NEDD4L: variants seen among roughly 807,000 people sequenced by gnomAD.
NEDD4L encodes the protein NEDD4 like E3 ubiquitin protein ligase.
A neutral mutation model predicts 148.9 loss-of-function variants in NEDD4L; 54 were observed. That is an observed-to-expected ratio of 0.36 (90% confidence interval 0.29 to 0.45). NEDD4L has a LOEUF of 0.45. NEDD4L is among the 20% of genes least tolerant of loss of function. NEDD4L has a pLI of 1.00. For missense variants in NEDD4L, 856 were observed against 1,233.8 expected (o/e 0.69, Z 4.59); for synonymous variants, 433 against 440.7 (o/e 0.98, Z 0.22).
chr18:58,166,465 C>T (rs2036857804), intron 2 of NEDD4L, among the ~76,000 whole-genome samples: 1 of 152,272 alleles, frequency 6.6e-6, no homozygotes, highest in African/African-American at 2.4e-5. Context: ...AGTTATTGGA[C>T]TGGGAGCAGG....
intron 1 of NEDD4L, among the ~76,000 whole-genome samples, chr18:58,131,211 A>G (rs1366651193): frequency 6.9e-6 from 1 of 144,664 alleles, no homozygotes; most frequent in East Asian, 2.1e-4. Flanking sequence ...ATCTAGCGGA[A>G]CTGTGGTGGT....
intron 2 of NEDD4L, among the ~76,000 whole-genome samples, chr18:58,171,585 G>T (rs1010042565): frequency 1.3e-5 from 2 of 152,282 alleles, no homozygotes; most frequent in Non-Finnish European, 2.9e-5. Flanking sequence ...GGTGTTTGCA[G>T]GTCCAGAAAT....
rs2049197657 is a variant in NEDD4L at position 58,387,515 on chromosome 18, T to C, written c.2547+17T>C. On this transcript the variant is annotated intron_variant, in intron 27 of 30. Transcript: ENST00000400345. ...GAGCTGGAGGTTTGTATTATAAACA[T>C]TATTTTATGTAAAGTGGATTTTTTA... 6.6e-7 allele frequency: 1 copy of C among 1,525,128 alleles called. No homozygotes were observed. The highest frequency in any genetic ancestry group is 8.8e-7 in the Non-Finnish European group (1 of 1,135,770). 94.5% of individuals were successfully genotyped at this position (1,525,128 alleles called of 1,614,324 possible).
chr18:58,221,689 T>C, intron 2 of NEDD4L: 1 of 985,476 alleles, frequency 1.0e-6, no homozygotes, highest in Non-Finnish European at 1.2e-6. Context: ...CAAGGTAGAT[T>C]TCCAGCAGCG....
intron 5 of NEDD4L, among the ~76,000 whole-genome samples, chr18:58,274,470 T>C (rs1384567598): frequency 6.6e-6 from 1 of 152,192 alleles, no homozygotes; most frequent in Non-Finnish European, 1.5e-5. Flanking sequence ...ACAGGTTGTG[T>C]AGACCAAACA....
intron 2 of NEDD4L, among the ~76,000 whole-genome samples, chr18:58,189,521 A>G (rs2039863117): frequency 6.6e-6 from 1 of 152,234 alleles, no homozygotes; most frequent in Admixed American, 6.5e-5. Flanking sequence ...GTCCAAGTTC[A>G]GAACAAGTGC....
At chr18:58,114,762 C>A (rs184598010) in intron 1 of NEDD4L, among the ~76,000 whole-genome samples, 26 of 152,310 alleles carry the variant, frequency 1.7e-4, no homozygotes, top group Non-Finnish European at 5.9e-5. Flanking sequence ...GGAGAGGATC[C>A]CCTTGCCTTT....
intron 5 of NEDD4L, among the ~76,000 whole-genome samples, chr18:58,268,008 C>G (rs892524562): frequency 6.6e-6 from 1 of 152,010 alleles, no homozygotes; most frequent in East Asian, 1.9e-4. Context: ...GAAAATTGCT[C>G]TGCGCCTTCT....
rs181455389 is a variant in NEDD4L at position 58,325,282 on chromosome 18, G to T, written c.680+120G>T. 1.8e-4 allele frequency: 214 copies of T among 1,177,804 alleles called. No individual in the cohort carries two copies. In the African/African-American group the frequency reaches 2.9e-3, roughly 16 times the overall value. The allele number at this position is 1,177,804 out of a possible 1,614,324, so 73.0% of individuals were successfully genotyped here. ...CATATGTCTATAAGAGCAGATGGTGGTGTGGTACGAGATTCCTCTCCATTT... is the reference window on the plus strand; with the variant it reads ...CATATGTCTATAAGAGCAGATGGTGTTGTGGTACGAGATTCCTCTCCATTT... On this transcript the variant is annotated intron_variant, in intron 9 of 30. Transcript: ENST00000400345.
chr18:58,391,384 G>A, intron 29 of NEDD4L, 103 bp from the exon 30 acceptor site: 1 of 903,588 alleles, frequency 1.1e-6, no homozygotes, highest in Middle Eastern at 2.6e-4. Flanking sequence ...CCTCACCCCT[G>A]GGGGCAAACC....
intron 16 of NEDD4L, among the ~76,000 whole-genome samples, chr18:58,346,712 A>G (rs1038981627): frequency 1.8e-4 from 27 of 152,318 alleles, no homozygotes; most frequent in African/African-American, 6.3e-4. Context: ...TGATGGAGGG[A>G]AGCAATTTTA....
chr18:58,341,210 A>C, intron 14 of NEDD4L, 41 bp downstream of exon 14: 1 of 1,604,066 alleles, frequency 6.2e-7, no homozygotes, highest in Non-Finnish European at 8.5e-7. Context: ...CAGGCCATAG[A>C]AGCCGAAATG....
chr18:58,382,662 T>C (rs2048498811), intron 24 of NEDD4L, among the ~76,000 whole-genome samples: 1 of 152,178 alleles, frequency 6.6e-6, no homozygotes, highest in Non-Finnish European at 1.5e-5. Flanking sequence ...GCTTTTTTCA[T>C]GATCATGGGT....
intron 1 of NEDD4L, among the ~76,000 whole-genome samples, chr18:58,157,686 T>C (rs921286272): frequency 6.6e-6 from 1 of 152,242 alleles, no homozygotes; most frequent in Non-Finnish European, 1.5e-5. Context: ...ATACTGCTGC[T>C]GCACTTACAT....
chr18:58,396,555 A>G lies in NEDD4L; in HGVS notation c.*286A>G, dbSNP rs1201569904. 1 of 263,262 alleles carries G rather than the reference A, an allele frequency of 3.8e-6. No homozygotes were observed. Among genetic ancestry groups the G allele is most frequent in the Non-Finnish European group, 7.4e-6 (1 of 136,016 alleles). The allele number at this position is 263,262 out of a possible 1,614,324, so 16.3% of individuals were successfully genotyped here. A position where few individuals can be genotyped will look rare whatever the true frequency, so the allele number is the denominator to read the frequency against. ...TGTGCCTCTGCAGGCAAAGCCCTTAATAAATATTTTACATCCTTTCTAATG... is the reference window on the plus strand; with the variant it reads ...TGTGCCTCTGCAGGCAAAGCCCTTAGTAAATATTTTACATCCTTTCTAATG... On this transcript the variant is annotated 3_prime_UTR_variant, in exon 31 of 31. Coordinates refer to ENST00000400345, the MANE Select transcript of NEDD4L (RefSeq NM_001144967.3).
At chr18:58,395,684 C>CA (rs569383114) in intron 30 of NEDD4L, among the ~76,000 whole-genome samples, 65 of 152,296 alleles carry the variant, frequency 4.3e-4, no homozygotes, top group African/African-American at 1.5e-3. Context: ...TGCCCTATGT[C>CA]TCTGCTCCAG....
intron 4 of NEDD4L, 58 bp from the exon 5 acceptor site, chr18:58,251,943 A>G (rs1208381953): frequency 2.2e-6 from 2 of 912,294 alleles, no homozygotes; most frequent in African/African-American, 3.3e-5. Flanking sequence ...TCTGTTCCTT[A>G]CGTCGCTGTT....
chr18:58,305,451 G>A (rs1459709575), intron 5 of NEDD4L, among the ~76,000 whole-genome samples: 2 of 152,214 alleles, frequency 1.3e-5, no homozygotes, highest in African/African-American at 2.4e-5. Flanking sequence ...AGGGATTCCA[G>A]TGTCTAAGCA....
At chr18:58,201,217 C>T (rs1224577247) in intron 2 of NEDD4L, among the ~76,000 whole-genome samples, 2 of 152,054 alleles carry the variant, frequency 1.3e-5, no homozygotes, top group Admixed American at 6.6e-5. Flanking sequence ...CCTGTAATCC[C>T]AGCTACTTGG....
Sources: allele counts gnomAD v4.1 joint callset (sites outside exome capture counted in the v4.1 genomes callset), GRCh38; gene constraint gnomAD v4.1.1; transcripts MANE v1.5; gene names NCBI Gene and HGNC (gene_info 2026-07-23, HGNC 2026-07-21).